The following TGM6 variants were observed in gnomAD, a reference collection of about 807,000 sequenced individuals.
TGM6 encodes protein-glutamine gamma-glutamyltransferase 6.
A neutral mutation model predicts 77.5 loss-of-function variants in TGM6; 74 were observed. That is an observed-to-expected ratio of 0.96 (90% CI 0.79 to 1.16). The LOEUF (loss-of-function observed/expected upper bound fraction) is 1.16. Ranked by LOEUF, TGM6 falls within the 50% of genes most tolerant of loss-of-function variation. The pLI is 0.00. For missense variants in TGM6, 968 were observed against 940.2 expected (o/e 1.03, Z -0.39); for synonymous variants, 383 against 378.9 (o/e 1.01, Z -0.12).
intron 7 of TGM6, among the ~76,000 whole-genome samples, chr20:2,402,655 C>T (rs372754212): frequency 1.3e-5 from 2 of 152,170 alleles, no homozygotes; most frequent in Non-Finnish European, 1.5e-5. Context: ...TCAGGCAAAC[C>T]GGGAATCAGG....
At chr20:2,420,223 C>G (rs1457329812) in intron 10 of TGM6, among the ~76,000 whole-genome samples, 1 of 151,442 alleles carries the variant, frequency 6.6e-6, no homozygotes, top group African/African-American at 2.4e-5. Flanking sequence ...CCAGCCTGGG[C>G]AACAGAGAGA....
At chr20:2,384,575 C>T (rs904153615) in intron 1 of TGM6, among the ~76,000 whole-genome samples, 3 of 152,146 alleles carry the variant, frequency 2.0e-5, no homozygotes, top group African/African-American at 4.8e-5. Context: ...ATCCTCCCAA[C>T]GTGAGGAAGC....
intron 10 of TGM6, among the ~76,000 whole-genome samples, chr20:2,422,576 G>A (rs930586622): frequency 6.6e-6 from 1 of 152,248 alleles, no homozygotes; most frequent in African/African-American, 2.4e-5. Flanking sequence ...GCGTGCAATA[G>A]CATTATTTCT....
chr20:2,407,431 C>T (rs1324427315), intron 9 of TGM6, among the ~76,000 whole-genome samples: 1 of 152,132 alleles, frequency 6.6e-6, no homozygotes, highest in Non-Finnish European at 1.5e-5. Flanking sequence ...CTAGCCTGGC[C>T]AACATGGCGA....
intron 9 of TGM6, among the ~76,000 whole-genome samples, chr20:2,414,411 A>AT (rs778296721): frequency 2.7e-3 from 416 of 152,348 alleles, no homozygotes; most frequent in Non-Finnish European, 4.3e-3. Flanking sequence ...AAGATAGACA[A>AT]TTAGTGTTGG....
Position 2,396,596 on chromosome 20 carries a change from T to C in TGM6, c.515T>C (p.Ile172Thr). The C allele has an allele frequency of 6.2e-7, 1 of 1,614,116 alleles. No homozygotes were observed. Among genetic ancestry groups the C allele is most frequent in the African/African-American group, 1.3e-5 (1 of 75,028 alleles). ...GIIFRGVEKHIRAQGWNYGQF... is the reference protein window; with the variant it reads ...GIIFRGVEKHTRAQGWNYGQF... ...ATCTTCCGAGGCGTGGAGAAGCACA[T>C]ACGAGCCCAGGGCTGGAACTACGGG... The change falls in exon 4 of 13, where the codon ATA (isoleucine) becomes ACA (threonine). Residue 172 changes from isoleucine to threonine, a missense_variant. Coordinates refer to ENST00000202625, the MANE Select transcript of TGM6 (RefSeq NM_198994.3).
intron 6 of TGM6, 97 bp from the exon 7 acceptor site, chr20:2,400,209 G>A: frequency 6.4e-7 from 1 of 1,568,900 alleles, no homozygotes; most frequent in South Asian, 1.1e-5. Context: ...GTGGCAGAGG[G>A]CTTTGGCCAC....
intron 10 of TGM6, among the ~76,000 whole-genome samples, chr20:2,422,995 T>A (rs899890251): frequency 1.3e-5 from 2 of 150,234 alleles, no homozygotes; most frequent in Non-Finnish European, 3.0e-5. Flanking sequence ...CACTGAGTCA[T>A]AATCTTTTTG....
intron 10 of TGM6, among the ~76,000 whole-genome samples, chr20:2,419,640 T>C (rs1441307631): frequency 6.6e-6 from 1 of 152,238 alleles, no homozygotes; most frequent in Non-Finnish European, 1.5e-5. Context: ...AAAACAGTTC[T>C]GGTTAAATAT....
At chr20:2,400,622 G>T (rs1201552747) in intron 7 of TGM6, among the ~76,000 whole-genome samples, 178 bp downstream of exon 7, 1 of 151,842 alleles carries the variant, frequency 6.6e-6, no homozygotes, top group African/African-American at 2.4e-5. Context: ...CTTCCAAGAT[G>T]TAAGGTCTGA....
chr20:2,406,862 A>AAAAAT (rs2084755993), intron 9 of TGM6, among the ~76,000 whole-genome samples: 1 of 141,834 alleles, frequency 7.1e-6, no homozygotes, highest in South Asian at 2.3e-4. Context: ...AAAAAAAAAA[A>AAAAAT]AAAACCATGG....
intron 9 of TGM6, among the ~76,000 whole-genome samples, chr20:2,409,447 C>T (rs559356687): frequency 6.6e-6 from 1 of 152,160 alleles, no homozygotes; most frequent in Non-Finnish European, 1.5e-5. Flanking sequence ...TGTGGTGGCT[C>T]ACGCCTATAA....
At chr20:2,400,839 C>T (rs988056303) in intron 7 of TGM6, among the ~76,000 whole-genome samples, 3 of 152,086 alleles carry the variant, frequency 2.0e-5, no homozygotes, top group Non-Finnish European at 4.4e-5. Flanking sequence ...AAACAGACTC[C>T]TTCCTTAGCT....
At position 2,410,380 on chromosome 20, in the gene TGM6, C is replaced by T. The variant is rs534673908; in HGVS notation, c.1336+6557C>T. On this transcript the variant is annotated intron_variant, in intron 9 of 12. Coordinates refer to ENST00000202625, the MANE Select transcript of TGM6 (RefSeq NM_198994.3). ...GAGGAGATGGAAACCCCACACCACCCCTGCCCCCTGCCATACCTTGCCCTG... is the reference window on the plus strand; with the variant it reads ...GAGGAGATGGAAACCCCACACCACCTCTGCCCCCTGCCATACCTTGCCCTG... 2.0e-5 allele frequency among the ~76,000 whole-genome samples: 3 copies of T among 152,224 alleles called. No homozygotes were observed. The South Asian group carries it at 6.2e-4, about 32-fold the overall frequency.
At position 2,383,806 on chromosome 20, in the gene TGM6, T is replaced by C. The variant is rs373364387; in HGVS notation, c.7+2831T>C. ...GGGAGATGTGGGAAAGGAGTGATGA[T>C]GTAAAAATCCCTGTTTGTAGGCCGG... is the stretch of plus-strand genomic sequence containing the variant. On this transcript the variant is annotated intron_variant, in intron 1 of 12. Coordinates refer to ENST00000202625, the MANE Select transcript of TGM6 (RefSeq NM_198994.3). Among the ~76,000 whole-genome samples the C allele has an allele frequency of 2.6e-5, 4 of 152,092 alleles. No individual in the cohort carries two copies. The South Asian group carries it at 6.2e-4, about 24-fold the overall frequency.
chr20:2,430,007 G>A (rs1159081679), intron 10 of TGM6, among the ~76,000 whole-genome samples: 1 of 152,190 alleles, frequency 6.6e-6, no homozygotes, highest in African/African-American at 2.4e-5. Context: ...TGGCCTCACA[G>A]GATTGGAAGA....
chr20:2,399,877 A>G, intron 6 of TGM6, 139 bp downstream of exon 6: 1 of 799,412 alleles, frequency 1.3e-6, no homozygotes, highest in Non-Finnish European at 2.0e-6. Flanking sequence ...CTGGCTGATG[A>G]AGAGAGAAGC....
chr20:2,381,966 TGA>T (rs2084558040), intron 1 of TGM6, among the ~76,000 whole-genome samples: 1 of 128,626 alleles, frequency 7.8e-6, no homozygotes, highest in African/African-American at 3.1e-5. Context: ...CTCAATATAG[TGA>T]GCAGCAAACT....
intron 1 of TGM6, among the ~76,000 whole-genome samples, chr20:2,392,692 G>T (rs1050809845): frequency 3.3e-5 from 5 of 152,142 alleles, no homozygotes; most frequent in Admixed American, 3.3e-4. Context: ...CGGACAGATT[G>T]CTTGAGCTCA....
Sources: gnomAD v4.1 joint callset for allele counts (sites outside exome capture counted in the v4.1 genomes callset) on GRCh38, gnomAD v4.1.1 for gene constraint, MANE v1.5 for transcripts, NCBI Gene and HGNC (gene_info 2026-07-23, HGNC 2026-07-21) for gene names.